Variants in ELL observed in about 807,000 individuals in gnomAD.
ELL encodes the protein RNA polymerase II elongation factor ELL.
Under a neutral mutation model 64.0 loss-of-function variants are expected in ELL, and 18 were observed. The ratio of observed to expected loss-of-function variants is 0.28; its 90% CI spans 0.19 to 0.42. The LOEUF is 0.42. Ranked by LOEUF, ELL falls within the 10% of genes least tolerant of loss-of-function variation. ELL has a pLI of 1.00. For synonymous variants in ELL, 399 were observed against 376.2 expected, an observed-to-expected ratio of 1.06 and a Z score of -0.70; for missense variants, 797 against 870.4, an observed-to-expected ratio of 0.92 and a Z score of 1.06.
In ELL at chr19:18,521,911, T is replaced by C; in HGVS notation, c.135+10A>G. ...TTCCCCACTGGCGCGCCGGGCGCCA[T>C]GCCACTCACCTGTCTGGCGCGGTAG... On this transcript the variant is annotated intron_variant, in intron 1 of 11. Transcript: ENST00000262809. 5 of 1,579,408 alleles carry C rather than the reference T, an allele frequency of 3.2e-6. No homozygotes were observed. Among genetic ancestry groups the C allele is most frequent in the Non-Finnish European group, 3.4e-6 (4 of 1,163,130 alleles).
At position 18,451,609 on chromosome 19, in the gene ELL, T is replaced by C; in HGVS notation, c.909A>G (p.Gly303=). The C allele has an allele frequency of 1.3e-6, 2 of 1,502,780 alleles. No homozygotes were observed. The highest frequency in any genetic ancestry group is 1.3e-5 in the South Asian group (1 of 78,960). 93.1% of individuals were successfully genotyped at this position (1,502,780 alleles called of 1,614,324 possible). The stretch of plus-strand genomic sequence containing the variant: ...CTGGGGGGCTGGAGGCAGCAGGGTC[T>C]CCAAGGAGGCTGCCAGTGCTCTGTG... The part of the protein sequence containing the change: ...CQPQSTGSLL[G]DPAASSPPGE... The change falls in exon 7 of 12, where the codon GGA becomes GGG. Residue 303 remains glycine (G), a synonymous_variant. Coordinates refer to ENST00000262809, the MANE Select transcript of ELL (RefSeq NM_006532.4).
At chr19:18,504,322 G>A (rs185547242) in intron 1 of ELL, among the ~76,000 whole-genome samples, 1 of 152,320 alleles carries the variant, frequency 6.6e-6, no homozygotes, top group African/African-American at 2.4e-5. Context: ...AGCAATCTGT[G>A]ACTCTCGGGA....
intron 1 of ELL, among the ~76,000 whole-genome samples, chr19:18,484,161 C>A (rs1439572916): frequency 6.6e-6 from 1 of 152,204 alleles, no homozygotes; most frequent in African/African-American, 2.4e-5. Context: ...GTGTGATGGG[C>A]ACAGAATCCC....
chr19:18,491,868 G>C (rs1453170111), intron 1 of ELL, among the ~76,000 whole-genome samples: 1 of 152,162 alleles, frequency 6.6e-6, no homozygotes, highest in East Asian at 1.9e-4. Context: ...AGTACAGCCT[G>C]GGTGAAAGTG....
chr19:18,458,331 T>G lies in ELL; in HGVS notation c.745-2A>C, dbSNP rs1203649001. 1 of 1,608,604 alleles carries G rather than the reference T, an allele frequency of 6.2e-7. No homozygotes were observed. The highest frequency in any genetic ancestry group is 8.5e-7 in the Non-Finnish European group (1 of 1,177,016). On this transcript the variant is annotated splice_acceptor_variant, in intron 5 of 11. Coordinates refer to ENST00000262809, the MANE Select transcript of ELL (RefSeq NM_006532.4). LOFTEE classifies it high-confidence loss of function. The stretch of plus-strand genomic sequence containing the variant: ...GTCCTTAGCACTCATGTTGGCCACC[T>G]GCAAGACAGAGCCAGCCATCACTTT...
At chr19:18,473,475 C>A (rs944618472) in intron 1 of ELL, among the ~76,000 whole-genome samples, 7 of 152,222 alleles carry the variant, frequency 4.6e-5, no homozygotes, top group African/African-American at 1.7e-4. Context: ...ACCTTGGAGC[C>A]TGGGGTGGGA....
At chr19:18,483,124 C>G (rs1975339753) in intron 1 of ELL, among the ~76,000 whole-genome samples, 1 of 152,058 alleles carries the variant, frequency 6.6e-6, no homozygotes, top group Non-Finnish European at 1.5e-5. Flanking sequence ...CTCCAAACTG[C>G]CATTCTTTAC....
intron 1 of ELL, among the ~76,000 whole-genome samples, chr19:18,493,709 T>C (rs566208527): frequency 1.3e-5 from 2 of 152,288 alleles, no homozygotes; most frequent in East Asian, 3.9e-4. Flanking sequence ...CCTCAGGCCC[T>C]GCCCCAGAAG....
intron 1 of ELL, among the ~76,000 whole-genome samples, chr19:18,513,597 ATAG>A (rs1349894530): frequency 1.3e-5 from 2 of 152,092 alleles, no homozygotes; most frequent in Admixed American, 1.3e-4. Context: ...TACTGCTTAT[ATAG>A]TAAAAAGGAA....
intron 1 of ELL, among the ~76,000 whole-genome samples, chr19:18,498,170 A>C (rs895708234): frequency 6.6e-6 from 1 of 152,054 alleles, no homozygotes; most frequent in African/African-American, 2.4e-5. Context: ...ATTGGAAACA[A>C]ATGTGCCACT....
chr19:18,486,748 G>C (rs1301614673), intron 1 of ELL, among the ~76,000 whole-genome samples: 1 of 152,204 alleles, frequency 6.6e-6, no homozygotes, highest in Non-Finnish European at 1.5e-5. Flanking sequence ...AAAGATCACA[G>C]AAAAATAAGA....
intron 8 of ELL, among the ~76,000 whole-genome samples, chr19:18,447,053 C>T (rs1042496183): frequency 2.6e-5 from 4 of 152,216 alleles, no homozygotes; most frequent in African/African-American, 7.2e-5. Flanking sequence ...CGTGCACCTG[C>T]GTGTCCAGGG....
intron 6 of ELL, among the ~76,000 whole-genome samples, chr19:18,455,428 T>C (rs945598917): frequency 6.7e-6 from 1 of 149,132 alleles, no homozygotes; most frequent in African/African-American, 2.5e-5. Flanking sequence ...AGGCGGAGGT[T>C]GCAGTGAGCC....
intron 1 of ELL, among the ~76,000 whole-genome samples, chr19:18,514,001 C>T (rs1976080490): frequency 6.6e-6 from 1 of 152,028 alleles, no homozygotes; most frequent in African/African-American, 2.4e-5. Context: ...AACTCGAAGC[C>T]CTACCCCTTC....
intron 6 of ELL, among the ~76,000 whole-genome samples, chr19:18,456,506 G>C (rs1458811584): frequency 6.6e-6 from 1 of 152,338 alleles, no homozygotes; most frequent in South Asian, 2.1e-4. Flanking sequence ...TGGCACCAGG[G>C]AGGAGCAGGA....
intron 1 of ELL, among the ~76,000 whole-genome samples, chr19:18,476,794 T>C (rs890141167): frequency 1.3e-5 from 2 of 152,142 alleles, no homozygotes; most frequent in Non-Finnish European, 2.9e-5. Context: ...GACCAGGCCC[T>C]TGTTAACAAC....
At chr19:18,516,375 G>A (rs1021499044) in intron 1 of ELL, among the ~76,000 whole-genome samples, 9 of 152,138 alleles carry the variant, frequency 5.9e-5, no homozygotes, top group African/African-American at 2.2e-4. Context: ...CTGCAGCTCC[G>A]TGTCACCTGC....
chr19:18,481,208 A>G (rs575166544), intron 1 of ELL, among the ~76,000 whole-genome samples: 3 of 152,266 alleles, frequency 2.0e-5, no homozygotes, highest in South Asian at 4.1e-4. Flanking sequence ...GCCTTTCCAG[A>G]AAGTCTTATC....
chr19:18,512,500 G>A (rs895959063), intron 1 of ELL, among the ~76,000 whole-genome samples: 2 of 152,038 alleles, frequency 1.3e-5, no homozygotes, highest in Non-Finnish European at 2.9e-5. Context: ...GCAACCAGGC[G>A]TGATGATGGG....
Sources: gnomAD v4.1 joint callset for allele counts (sites outside exome capture counted in the v4.1 genomes callset) on GRCh38, gnomAD v4.1.1 for gene constraint, MANE v1.5 for transcripts, NCBI Gene and HGNC (gene_info 2026-07-23, HGNC 2026-07-21) for gene names.